Variants in MDGA2 observed in about 807,000 individuals in gnomAD.
The protein encoded by MDGA2 is MAM domain-containing glycosylphosphatidylinositol anchor protein 2.
Under a neutral mutation model 117.8 loss-of-function variants are expected in MDGA2, and 40 were observed. The ratio of observed to expected loss-of-function variants is 0.34; its 90% confidence interval spans 0.26 to 0.44. The LOEUF is 0.44. MDGA2 is among the 20% of genes least tolerant of loss of function. MDGA2 has a pLI of 1.00. For missense variants in MDGA2, 1,123 were observed against 1,250.6 expected, an observed-to-expected ratio of 0.90 and a Z score of 1.54; for synonymous variants, 452 against 439.0, an observed-to-expected ratio of 1.03 and a Z score of -0.37.
intron 3 of MDGA2, among the ~76,000 whole-genome samples, chr14:47,144,871 A>C (rs1021766524): frequency 2.7e-5 from 4 of 146,480 alleles, no homozygotes; most frequent in African/African-American, 1.0e-4. Context: ...GCTGGTCTTA[A>C]ACTCCTGGCT....
chr14:47,260,153 G>A (rs982761852), intron 2 of MDGA2, among the ~76,000 whole-genome samples: 2 of 152,084 alleles, frequency 1.3e-5, no homozygotes, highest in African/African-American at 4.8e-5. Context: ...ATAAGAATAT[G>A]TGAAAAACTG....
At chr14:47,058,607 T>C in intron 7 of MDGA2, 2 of 985,220 alleles carry the variant, frequency 2.0e-6, no homozygotes, top group Non-Finnish European at 2.4e-6. Flanking sequence ...CACTTTAGTC[T>C]TCAATAGTAT....
intron 8 of MDGA2, among the ~76,000 whole-genome samples, chr14:47,028,508 T>C (rs8003936): frequency 2.0e-5 from 3 of 151,998 alleles, no homozygotes; most frequent in Admixed American, 6.5e-5. Flanking sequence ...AAATATATCA[T>C]CTAATGTGTG....
chr14:47,442,237 C>G (rs565021694), intron 1 of MDGA2, among the ~76,000 whole-genome samples: 3 of 152,254 alleles, frequency 2.0e-5, no homozygotes, highest in South Asian at 2.1e-4. Context: ...ACTGAACTTA[C>G]ATTTATTGAG....
intron 12 of MDGA2, among the ~76,000 whole-genome samples, chr14:46,876,838 G>A (rs1412600710): frequency 1.3e-5 from 2 of 151,544 alleles, no homozygotes; most frequent in Admixed American, 6.6e-5. Flanking sequence ...TTTAGAATAT[G>A]TCTTCATAGT....
intron 1 of MDGA2, among the ~76,000 whole-genome samples, chr14:47,581,969 T>C (rs1247650658): frequency 1.3e-5 from 2 of 151,900 alleles, no homozygotes; most frequent in South Asian, 2.1e-4. Flanking sequence ...TGAAATAAAA[T>C]GGACCTTCAG....
intron 8 of MDGA2, among the ~76,000 whole-genome samples, chr14:46,993,796 C>T (rs989779948): frequency 6.6e-6 from 1 of 152,092 alleles, no homozygotes; most frequent in African/African-American, 2.4e-5. Flanking sequence ...TCCATACTGG[C>T]TATCTTTTTA....
intron 8 of MDGA2, among the ~76,000 whole-genome samples, chr14:46,998,752 A>G (rs1287495927): frequency 3.3e-5 from 5 of 152,148 alleles, no homozygotes; most frequent in South Asian, 2.1e-4. Flanking sequence ...ACTACCCATC[A>G]TTATTAACTA....
At chr14:47,032,533 A>G (rs1173040677) in intron 8 of MDGA2, among the ~76,000 whole-genome samples, 1 of 152,194 alleles carries the variant, frequency 6.6e-6, no homozygotes. Context: ...ACAAAGCTGC[A>G]GTAAGCTATG....
chr14:47,002,237 A>G (rs1482724440), intron 8 of MDGA2, among the ~76,000 whole-genome samples: 1 of 152,182 alleles, frequency 6.6e-6, no homozygotes, highest in Non-Finnish European at 1.5e-5. Context: ...CAGATTGAAT[A>G]AAGAATAAGA....
chr14:47,447,536 C>T (rs1893149702), intron 1 of MDGA2, among the ~76,000 whole-genome samples: 1 of 152,148 alleles, frequency 6.6e-6, no homozygotes, highest in African/African-American at 2.4e-5. Context: ...ACAGGAGACA[C>T]AGCAATAAAC....
intron 1 of MDGA2, among the ~76,000 whole-genome samples, chr14:47,647,642 A>C (rs1897560989): frequency 6.6e-6 from 1 of 152,178 alleles, no homozygotes; most frequent in South Asian, 2.1e-4. Context: ...TATTCTGTGC[A>C]GTACAGTAAT....
chr14:47,362,712 T>A (rs1891150917), intron 1 of MDGA2, among the ~76,000 whole-genome samples: 1 of 152,170 alleles, frequency 6.6e-6, no homozygotes, highest in Non-Finnish European at 1.5e-5. Flanking sequence ...ACATTTCAAA[T>A]TTGGCTATGT....
chr14:46,982,790 C>A (rs986473112), intron 8 of MDGA2, among the ~76,000 whole-genome samples: 10 of 150,268 alleles, frequency 6.7e-5, no homozygotes, highest in African/African-American at 2.4e-4. Flanking sequence ...TAATTGAATA[C>A]CCTTTATTTC....
At position 47,476,383 on chromosome 14, in the gene MDGA2, T is replaced by G. The variant is rs1367088151; in HGVS notation, c.281-174833A>C. 3.3e-5 allele frequency among the ~76,000 whole-genome samples: 5 copies of G among 151,454 alleles called. No homozygotes were observed. The East Asian group carries it at 5.8e-4, about 18-fold the overall frequency. On this transcript the variant is annotated intron_variant, in intron 1 of 16. Coordinates refer to ENST00000399232, the MANE Select transcript of MDGA2 (RefSeq NM_001113498.3). Reference sequence around the variant, plus strand: ...TAGAGACACACGTAAACAACTTAGGTTTTTTTTTGTAAAATAAAGATTGAG... The same window carrying G: ...TAGAGACACACGTAAACAACTTAGGGTTTTTTTTGTAAAATAAAGATTGAG...
chr14:46,843,464 A>G (rs1880698709), intron 16 of MDGA2, among the ~76,000 whole-genome samples: 1 of 152,158 alleles, frequency 6.6e-6, no homozygotes, highest in Non-Finnish European at 1.5e-5. Context: ...CTTTGAGGAG[A>G]ATACATGTTT....
intron 1 of MDGA2, among the ~76,000 whole-genome samples, chr14:47,564,512 G>T (rs1229932541): frequency 6.6e-6 from 1 of 152,134 alleles, no homozygotes; most frequent in Non-Finnish European, 1.5e-5. Context: ...AATCTCAGGA[G>T]AATTATTCAC....
chr14:47,648,272 T>C (rs556292031), intron 1 of MDGA2, among the ~76,000 whole-genome samples: 1 of 152,308 alleles, frequency 6.6e-6, no homozygotes, highest in East Asian at 1.9e-4. Flanking sequence ...ACTTAACCTC[T>C]TCCTCTGAAT....
intron 1 of MDGA2, among the ~76,000 whole-genome samples, chr14:47,465,005 C>T (rs900375365): frequency 6.6e-6 from 1 of 152,040 alleles, no homozygotes; most frequent in African/African-American, 2.4e-5. Context: ...AAAACAGGCA[C>T]CTACATGAAT....
Sources: allele counts gnomAD v4.1 joint callset (sites outside exome capture counted in the v4.1 genomes callset), GRCh38; gene constraint gnomAD v4.1.1; transcripts MANE v1.5; gene names NCBI Gene and HGNC (gene_info 2026-07-23, HGNC 2026-07-21).